The following ADCY5 variants were observed in gnomAD, a reference collection of about 807,000 sequenced individuals.
ADCY5 encodes the protein adenylate cyclase type 5.
Under a neutral mutation model 119.7 loss-of-function variants are expected in ADCY5, and 30 were observed. That is an observed-to-expected ratio of 0.25 (90% CI 0.19 to 0.34). The LOEUF (loss-of-function observed/expected upper bound fraction) is 0.34. Among genes scored for constraint, ADCY5 ranks in the 10% least tolerant of loss-of-function variants. The pLI is 1.00. For synonymous variants in ADCY5, 753 were observed against 762.2 expected (o/e 0.99, Z 0.20); for missense variants, 1,324 against 1,775.2 (o/e 0.75, Z 4.57).
chr3:123,398,525 C>T (rs921574148), intron 1 of ADCY5, among the ~76,000 whole-genome samples: 13 of 152,320 alleles, frequency 8.5e-5, no homozygotes, highest in African/African-American at 2.4e-4. Flanking sequence ...GGGCCACTAC[C>T]ACAGGGATAA....
chr3:123,298,371 C>G (rs139417939), intron 15 of ADCY5, among the ~76,000 whole-genome samples: 1 of 152,166 alleles, frequency 6.6e-6, no homozygotes, highest in Admixed American at 6.5e-5. Context: ...CCAACTTCAG[C>G]GCCTGAAGAG....
chr3:123,403,862 T>C (rs1944836425), intron 1 of ADCY5, among the ~76,000 whole-genome samples: 1 of 152,150 alleles, frequency 6.6e-6, no homozygotes, highest in Non-Finnish European at 1.5e-5. Flanking sequence ...ATCTCATCCC[T>C]CTCTGGAATC....
intron 17 of ADCY5, among the ~76,000 whole-genome samples, chr3:123,294,506 C>T (rs763102415): frequency 3.3e-5 from 5 of 152,204 alleles, no homozygotes; most frequent in Admixed American, 2.0e-4. Context: ...TCTCTCAGTG[C>T]GAGGCACCAA....
rs915087159 is a variant in ADCY5, at chr3:123,448,153, G to A, written c.393C>T (p.Pro131=). 31 of 1,047,030 alleles carry A rather than the reference G, an allele frequency of 3.0e-5. No homozygotes were observed. Among genetic ancestry groups the A allele is most frequent in the Non-Finnish European group, 3.5e-5 (31 of 874,818 alleles). 64.9% of individuals were successfully genotyped at this position (1,047,030 alleles called of 1,614,324 possible). ...GAASGGSTRA[P]PAGGGGGSAA... is the part of the protein sequence containing the mutation. ...CCGAGCCGCCGCCGCCGCCCGCAGG[G>A]GGCGCCCGGGTGCTGCCCCCGCTGG... is the stretch of plus-strand genomic sequence containing the variant. Residue 131 remains proline (P), a synonymous_variant, in exon 1 of 21, where the codon CCC becomes CCT. Transcript: ENST00000462833.
chr3:123,297,324 G>A, intron 16 of ADCY5, 29 bp downstream of exon 16: 1 of 1,612,518 alleles, frequency 6.2e-7, no homozygotes, highest in Non-Finnish European at 8.5e-7. Context: ...AGGGCAGGGA[G>A]CGACCCTATC....
At chr3:123,333,803 C>A (rs1181785701) in intron 3 of ADCY5, among the ~76,000 whole-genome samples, 1 of 152,246 alleles carries the variant, frequency 6.6e-6, no homozygotes, top group East Asian at 1.9e-4. Flanking sequence ...GATGGCCCTG[C>A]AAACTCTGAC....
intron 3 of ADCY5, among the ~76,000 whole-genome samples, chr3:123,345,321 C>G (rs761167708): frequency 6.6e-6 from 1 of 152,208 alleles, no homozygotes; most frequent in Non-Finnish European, 1.5e-5. Context: ...CTGTGTTGGC[C>G]GAGGCAGGCT....
intron 1 of ADCY5, among the ~76,000 whole-genome samples, chr3:123,400,722 G>T (rs534686589): frequency 6.6e-6 from 1 of 152,176 alleles, no homozygotes; most frequent in Non-Finnish European, 1.5e-5. Context: ...CAAGGCAGGC[G>T]GATCATGAGG....
chr3:123,377,738 A>T (rs1943884775), intron 1 of ADCY5, among the ~76,000 whole-genome samples: 1 of 152,078 alleles, frequency 6.6e-6, no homozygotes, highest in South Asian at 2.1e-4. Context: ...GCTTAGCACA[A>T]TGCCAACCTG....
rs749154761 is a variant in ADCY5, at chr3:123,447,564, C to A, written c.982G>T (p.Gly328Cys). The change falls in exon 1 of 21, where the codon GGC becomes TGC. Residue 328 changes from glycine to cysteine, a missense_variant. By Grantham distance (159) the Gly-to-Cys change is radical. This residue lies in a region of ADCY5 where 585 missense variants were observed against 569.9 expected (regional missense o/e 1.03). Transcript: ENST00000462833. ...ATGAAGAACACGGTCCACCAGATGC[C>A]CTCAGAGGCGCTGCGTGGCTGCGGC... is the stretch of plus-strand genomic sequence containing the variant. ...LLPQPRSASE[G>C]IWWTVFFIYT... is the part of the protein sequence containing the mutation. 6.3e-5 allele frequency: 101 copies of A among 1,609,150 alleles called. 7 individuals are homozygous for A. The South Asian group carries it at 1.1e-3, about 18-fold the overall frequency.
chr3:123,287,222 C>T (rs954945048), intron 19 of ADCY5: 2 of 158,370 alleles, frequency 1.3e-5, no homozygotes, highest in African/African-American at 4.8e-5. Context: ...CGCCCTGTGC[C>T]AGTCTCCTCT....
chr3:123,357,552 G>A (rs552421884), intron 1 of ADCY5, among the ~76,000 whole-genome samples: 2 of 152,296 alleles, frequency 1.3e-5, no homozygotes, highest in South Asian at 4.1e-4. Context: ...GCTAAGCTTA[G>A]GGTGCCTTGG....
At chr3:123,407,589 T>TA (rs35895488) in intron 1 of ADCY5, among the ~76,000 whole-genome samples, 58,135 of 93,902 alleles carry the variant, frequency 0.62, 18,527 homozygotes, top group East Asian at 0.88. Context: ...CTATCTCTAC[T>TA]AAAAAAAAAA....
chr3:123,293,261 A>G (rs1260204811), intron 17 of ADCY5, among the ~76,000 whole-genome samples: 1 of 152,114 alleles, frequency 6.6e-6, no homozygotes, highest in Admixed American at 6.5e-5. Flanking sequence ...TTCCTTGTGC[A>G]GGTGCTTGAA....
intron 3 of ADCY5, among the ~76,000 whole-genome samples, chr3:123,337,720 C>T (rs540546145): frequency 6.6e-6 from 1 of 152,374 alleles, no homozygotes; most frequent in East Asian, 1.9e-4. Context: ...CTCATCTTTA[C>T]TTGATTTCAT....
intron 13 of ADCY5, among the ~76,000 whole-genome samples, chr3:123,303,688 G>A (rs1005894339): frequency 2.0e-5 from 3 of 152,140 alleles, no homozygotes; most frequent in Admixed American, 2.0e-4. Flanking sequence ...AGCTGGGCGT[G>A]GTGGTGCACA....
intron 3 of ADCY5, among the ~76,000 whole-genome samples, chr3:123,346,664 TGAGAGA>T: frequency 6.8e-6 from 1 of 147,762 alleles, no homozygotes; most frequent in Non-Finnish European, 1.5e-5. Context: ...TGTGTGTGTG[TGAGAGA>T]GAGAGATAAT....
chr3:123,327,420 A>G (rs1202439856), intron 7 of ADCY5, among the ~76,000 whole-genome samples, 198 bp downstream of exon 7: 2 of 152,252 alleles, frequency 1.3e-5, no homozygotes, highest in Non-Finnish European at 2.9e-5. Flanking sequence ...TTGCAAAAGA[A>G]GCACTATTAA....
chr3:123,367,026 C>A (rs965883399), intron 1 of ADCY5, among the ~76,000 whole-genome samples: 1 of 152,236 alleles, frequency 6.6e-6, no homozygotes, highest in Non-Finnish European at 1.5e-5. Flanking sequence ...CATTCTCCTG[C>A]AATGCAACGG....
Sources: gnomAD v4.1 joint callset for allele counts (sites outside exome capture counted in the v4.1 genomes callset) on GRCh38, gnomAD v4.1.1 for gene constraint, gnomAD v4.1.1 regional missense constraint, MANE v1.5 for transcripts, NCBI Gene and HGNC (gene_info 2026-07-23, HGNC 2026-07-21) for gene names.